The following GNG5 variants were observed in gnomAD, a reference collection of about 807,000 sequenced individuals.
GNG5 encodes the protein G protein subunit gamma 5.
In GNG5, 2 loss-of-function variants were observed where a neutral mutation model predicts 6.2. The ratio of observed to expected loss-of-function variants is 0.32; its 90% CI spans 0.13 to 1.01. The LOEUF (loss-of-function observed/expected upper bound fraction) is 1.01. GNG5 is among the 50% of genes least tolerant of loss of function. The probability of loss-of-function intolerance (pLI) is 0.48; values close to 1 mark genes in which losing one functional copy is unlikely to be tolerated. For synonymous variants in GNG5, 24 were observed against 33.0 expected (o/e 0.73, Z 0.93); for missense variants, 57 against 80.2 (o/e 0.71, Z 1.10).
At chr1:84,504,405 G>A (rs1682117386) in intron 2 of GNG5, among the ~76,000 whole-genome samples, 1 of 152,182 alleles carries the variant, frequency 6.6e-6, no homozygotes, top group African/African-American at 2.4e-5. Flanking sequence ...TGAAGATTTA[G>A]GTAGGATCAG....
intron 2 of GNG5, among the ~76,000 whole-genome samples, chr1:84,502,731 CATA>C (rs1285292787): frequency 1.3e-5 from 2 of 152,160 alleles, no homozygotes; most frequent in Non-Finnish European, 2.9e-5. Flanking sequence ...TGTGAATGAA[CATA>C]ATGTGGGATA....
Position 84,506,154 on chromosome 1 carries a change from C to A in GNG5, c.-63G>T, listed in dbSNP as rs1461945694. The A allele has an allele frequency of 4.3e-6, 6 of 1,390,734 alleles. No homozygotes were observed. The highest frequency in any genetic ancestry group is 5.9e-6 in the Non-Finnish European group (6 of 1,019,424). The allele number at this position is 1,390,734 out of a possible 1,614,324, so 86.1% of individuals were successfully genotyped here. ...GGTCGTGGGCCGTGGGTCGGCGGGG[C>A]CAGACAACTCAGCGGCGCGCGGCGG... On this transcript the variant is annotated 5_prime_UTR_variant, in exon 2 of 4. Coordinates refer to ENST00000370645, the MANE Select transcript of GNG5 (RefSeq NM_005274.3).
At chr1:84,504,077 C>G (rs1333824420) in intron 2 of GNG5, among the ~76,000 whole-genome samples, 1 of 152,208 alleles carries the variant, frequency 6.6e-6, no homozygotes, top group African/African-American at 2.4e-5. Context: ...CCCCTTCTCA[C>G]TCTCAAAAAT....
At chr1:84,505,479 A>G (rs910055082) in intron 2 of GNG5, among the ~76,000 whole-genome samples, 17 of 152,210 alleles carry the variant, frequency 1.1e-4, no homozygotes, top group African/African-American at 4.1e-4. Context: ...AGTTTAAGTT[A>G]TGCAATAATT....
At chr1:84,499,011 TAGG>T (rs1349534450) in intron 3 of GNG5, among the ~76,000 whole-genome samples, 1 of 152,160 alleles carries the variant, frequency 6.6e-6, no homozygotes, top group African/African-American at 2.4e-5. Context: ...TATAACTCCG[TAGG>T]AGAATGGATA....
intron 3 of GNG5, among the ~76,000 whole-genome samples, chr1:84,499,401 T>G (rs1682007079): frequency 6.6e-6 from 1 of 152,212 alleles, no homozygotes; most frequent in African/African-American, 2.4e-5. Flanking sequence ...CAAAGTATTA[T>G]ATTGGCAGGG....
At chr1:84,499,598 CTT>C (rs1484955079) in intron 3 of GNG5, among the ~76,000 whole-genome samples, 1 of 152,062 alleles carries the variant, frequency 6.6e-6, no homozygotes, top group African/African-American at 2.4e-5. Flanking sequence ...CATTAAATAT[CTT>C]GTTTACAAAG....
intron 3 of GNG5, among the ~76,000 whole-genome samples, chr1:84,499,275 A>G (rs1682003944): frequency 6.6e-6 from 1 of 152,236 alleles, no homozygotes; most frequent in African/African-American, 2.4e-5. Context: ...AAAATGTTGA[A>G]AAGGCATAAA....
At chr1:84,505,210 A>G (rs1558554720) in intron 2 of GNG5, among the ~76,000 whole-genome samples, 1 of 152,264 alleles carries the variant, frequency 6.6e-6, no homozygotes, top group Non-Finnish European at 1.5e-5. Context: ...ATGTCAAGTT[A>G]TTCTATCAAC....
intron 2 of GNG5, 40 bp from the exon 3 acceptor site, chr1:84,502,010 G>A: frequency 6.5e-7 from 1 of 1,540,416 alleles, no homozygotes; most frequent in East Asian, 2.3e-5. Context: ...CAGATGGTGA[G>A]AACATTTTAA....
At chr1:84,501,745 G>C (rs1570360262) in intron 3 of GNG5, 81 bp downstream of exon 3, 2 of 847,604 alleles carry the variant, frequency 2.4e-6, no homozygotes, top group East Asian at 4.9e-5. Context: ...GGCATGGGAT[G>C]ATCTTTTAAG....
chr1:84,506,024 A>C lies in GNG5; in HGVS notation c.68T>G (p.Leu23Arg), dbSNP rs760334591. 6.4e-7 allele frequency: 1 copy of C among 1,564,974 alleles called. No homozygotes were observed. The highest frequency in any genetic ancestry group is 8.6e-7 in the Non-Finnish European group (1 of 1,158,364). Residue 23 changes from leucine (L) to arginine (R), a missense_variant, in exon 2 of 4, where the codon CTC becomes CGC. Leu to Arg is a moderately radical substitution (Grantham distance 102). Transcript: ENST00000370645. ...GCCCCCGCTCACTTTTACGCGGTTG[A>C]GTCCGGCCTCCAGCCGGAGCTGTTG... ...VVQQLRLEAG[L>R]NRVKVSQAAA... is the part of the protein sequence containing the mutation.
chr1:84,503,098 A>C (rs547733534), intron 2 of GNG5, among the ~76,000 whole-genome samples: 10 of 152,386 alleles, frequency 6.6e-5, no homozygotes, highest in East Asian at 5.8e-4. Flanking sequence ...CTGGGCAGAA[A>C]TCTGTCACTG....
At position 84,506,139 on chromosome 1, in the gene GNG5, CGTGGGTCGGCG is replaced by C. The variant is rs2101895366; in HGVS notation, c.-59_-49del. On this transcript the variant is annotated 5_prime_UTR_variant, in exon 2 of 4. Coordinates refer to ENST00000370645, the MANE Select transcript of GNG5 (RefSeq NM_005274.3). ...ATTCGTGGGTCGGTGGGTCGTGGGCCGTGGGTCGGCGGGGCCAGACAACTCAGCGGCGCGCG... is the reference window on the plus strand; with the variant it reads ...ATTCGTGGGTCGGTGGGTCGTGGGCCGGGCCAGACAACTCAGCGGCGCGCG... 6.6e-7 allele frequency: 1 copy of C among 1,505,912 alleles called. No individual in the cohort carries two copies. The highest frequency in any genetic ancestry group is 2.0e-5 in the Admixed American group (1 of 49,942). 93.3% of individuals were successfully genotyped at this position (1,505,912 alleles called of 1,614,324 possible).
chr1:84,498,638 G>A (rs1681990457), intron 3 of GNG5, 90 bp from the exon 4 acceptor site: 1 of 152,086 alleles, frequency 6.6e-6, no homozygotes, highest in Non-Finnish European at 1.5e-5. Flanking sequence ...CTTAAAAGAA[G>A]CAGGATGGGA....
intron 2 of GNG5, among the ~76,000 whole-genome samples, chr1:84,504,590 C>T (rs918126757): frequency 2.6e-5 from 4 of 152,068 alleles, no homozygotes; most frequent in Non-Finnish European, 1.5e-5. Context: ...TAAAGGCACA[C>T]CTGAATGACA....
chr1:84,506,550 C>T lies in GNG5; in HGVS notation c.-325G>A. On this transcript the variant is annotated 5_prime_UTR_variant, in exon 1 of 4. Coordinates refer to ENST00000370645, the MANE Select transcript of GNG5 (RefSeq NM_005274.3). ...GTGACCAGGAGGTCTCAGTTTTCCT[C>T]CCAGTTTGTGGGAAGGGTTGAGGGA... 6.5e-6 allele frequency: 1 copy of T among 154,408 alleles called. No homozygotes were observed. The highest frequency in any genetic ancestry group is 1.4e-5 in the Non-Finnish European group (1 of 69,304). 9.6% of individuals were successfully genotyped at this position (154,408 alleles called of 1,614,324 possible). A position where few individuals can be genotyped will look rare whatever the true frequency, so the allele number is the denominator to read the frequency against.
Position 84,499,249 on chromosome 1 carries a change from GAGAT to G in GNG5, c.*20-705_*20-702del, listed in dbSNP as rs375771582. 2.3e-4 allele frequency among the ~76,000 whole-genome samples: 35 copies of G among 152,308 alleles called. No homozygotes were observed. The East Asian group carries it at 5.0e-3, about 22-fold the overall frequency. ...TGGAAAGGTACAAAAGTGTTAATCT[GAGAT>G]AGTCTGTGACAAAAATGTTGAAAAG... On this transcript the variant is annotated intron_variant, in intron 3 of 3. Coordinates refer to ENST00000370645, the MANE Select transcript of GNG5 (RefSeq NM_005274.3).
intron 2 of GNG5, among the ~76,000 whole-genome samples, chr1:84,502,467 A>T (rs533962260): frequency 6.6e-6 from 1 of 152,250 alleles, no homozygotes; most frequent in South Asian, 2.1e-4. Context: ...AGTGCTTGCA[A>T]ATAAGACTGA....
Sources: allele counts gnomAD v4.1 joint callset (sites outside exome capture counted in the v4.1 genomes callset), GRCh38; gene constraint gnomAD v4.1.1; transcripts MANE v1.5; gene names NCBI Gene and HGNC (gene_info 2026-07-23, HGNC 2026-07-21).